ETS1: variants seen among roughly 807,000 people sequenced by gnomAD.
ETS1 encodes the protein protein C-ets-1.
In ETS1, 15 loss-of-function variants were observed where a neutral mutation model predicts 58.6. The observed-to-expected ratio is 0.26, with a 90% CI of 0.17 to 0.39. The LOEUF (loss-of-function observed/expected upper bound fraction) is 0.39, where lower values mean the gene tolerates loss of function less well. Among genes scored for constraint, ETS1 ranks in the 10% least tolerant of loss-of-function variants. The pLI is 1.00. For synonymous variants in ETS1, 214 were observed against 218.2 expected (o/e 0.98, Z 0.17); for missense variants, 417 against 610.5 (o/e 0.68, Z 3.34).
chr11:128,586,778 A>C (rs1865039121), intron 1 of ETS1, among the ~76,000 whole-genome samples: 1 of 152,188 alleles, frequency 6.6e-6, no homozygotes, highest in Non-Finnish European at 1.5e-5. Flanking sequence ...GTCACATACA[A>C]AGTGTCACGG....
chr11:128,468,357 G>C (rs745822962), intron 8 of ETS1, among the ~76,000 whole-genome samples: 70 of 152,230 alleles, frequency 4.6e-4, no homozygotes, highest in Non-Finnish European at 8.4e-4. Context: ...GCTGAGAACT[G>C]AGCAGCATAA....
At chr11:128,578,026 C>G (rs1207742771) in intron 1 of ETS1, among the ~76,000 whole-genome samples, 1 of 152,080 alleles carries the variant, frequency 6.6e-6, no homozygotes, top group Non-Finnish European at 1.5e-5. Flanking sequence ...AAAGTCAACA[C>G]TTTGGCTTAT....
intron 8 of ETS1, among the ~76,000 whole-genome samples, chr11:128,476,983 T>A (rs1862340786): frequency 6.6e-6 from 1 of 152,266 alleles, no homozygotes; most frequent in Non-Finnish European, 1.5e-5. Flanking sequence ...AATTTTCTTA[T>A]CTTTGGAGGA....
intron 3 of ETS1, among the ~76,000 whole-genome samples, chr11:128,552,960 G>T (rs1413232237): frequency 6.6e-6 from 1 of 152,210 alleles, no homozygotes; most frequent in Non-Finnish European, 1.5e-5. Flanking sequence ...TATGGTGGTT[G>T]GAGAGAAAGG....
chr11:128,585,077 AG>A (rs1289107137), intron 1 of ETS1, among the ~76,000 whole-genome samples: 414 of 11,264 alleles, frequency 0.037, 82 homozygotes, highest in Non-Finnish European at 0.046. Flanking sequence ...AGAAAGAAAG[AG>A]AAAGAAAGAA....
chr11:128,534,346 T>C (rs1277108068), intron 3 of ETS1, among the ~76,000 whole-genome samples: 1 of 152,194 alleles, frequency 6.6e-6, no homozygotes, highest in Non-Finnish European at 1.5e-5. Context: ...AAATCCCATA[T>C]ACAATTTAAG....
In ETS1 at chr11:128,549,426, G is replaced by C. The variant is rs1474644853; in HGVS notation, c.214+6865C>G. On this transcript the variant is annotated intron_variant, in intron 3 of 9. Coordinates refer to ENST00000392668, the MANE Select transcript of ETS1 (RefSeq NM_001143820.2). The surrounding 1 kb of genome is among the most constrained non-coding windows in gnomAD (Gnocchi z 4.3). ...CCCACCCCCGTGCGAGGAGTTCCAGGAGAGGGGTCAAACTGCTTGAATCGC... is the reference window on the plus strand; with the variant it reads ...CCCACCCCCGTGCGAGGAGTTCCAGCAGAGGGGTCAAACTGCTTGAATCGC... Among the ~76,000 whole-genome samples the C allele has an allele frequency of 2.6e-5, 4 of 152,356 alleles. No individual in the cohort carries two copies. Among genetic ancestry groups the C allele is most frequent in the Middle Eastern group, 3.4e-3 (1 of 294 alleles).
chr11:128,481,353 A>G (rs2135443389), intron 7 of ETS1, among the ~76,000 whole-genome samples: 1 of 152,272 alleles, frequency 6.6e-6, no homozygotes, highest in East Asian at 1.9e-4. Flanking sequence ...GGTTATAAAC[A>G]GCTGCTATGA....
rs369226551 is a variant in ETS1, at chr11:128,547,641, G to GT, written c.214+8649dup. On this transcript the variant is annotated intron_variant, in intron 3 of 9. Coordinates refer to ENST00000392668, the MANE Select transcript of ETS1 (RefSeq NM_001143820.2). Reference sequence around the variant, plus strand: ...GAAAATTGGTGGCTTTGTTTTTTTGGTTTTTTTTTTTAATCCCACCTAACA... The same window carrying GT: ...GAAAATTGGTGGCTTTGTTTTTTTGGTTTTTTTTTTTTAATCCCACCTAACA... Among the ~76,000 whole-genome samples the GT allele has an allele frequency of 5.9e-3, 861 of 146,652 alleles. 4 individuals carry two copies. The highest frequency in any genetic ancestry group is 0.011 in the Admixed American group (157 of 14,780).
At chr11:128,493,628 C>T (rs893736396) in intron 3 of ETS1, among the ~76,000 whole-genome samples, 1 of 152,042 alleles carries the variant, frequency 6.6e-6, no homozygotes, top group African/African-American at 2.4e-5. Context: ...AGAGAAGGCA[C>T]AGCATTGTCT....
chr11:128,570,053 G>A (rs964648965), intron 2 of ETS1, among the ~76,000 whole-genome samples: 3 of 152,134 alleles, frequency 2.0e-5, no homozygotes, highest in Non-Finnish European at 2.9e-5. Flanking sequence ...GTCTTTAGTT[G>A]AAATTATGCA....
chr11:128,573,821 C>T (rs1035262880), intron 1 of ETS1, among the ~76,000 whole-genome samples: 3 of 152,202 alleles, frequency 2.0e-5, no homozygotes, highest in African/African-American at 7.2e-5. Flanking sequence ...ACATATCGAA[C>T]ATCTCTGTTG....
At chr11:128,576,262 C>A (rs1022479075) in intron 1 of ETS1, among the ~76,000 whole-genome samples, 1 of 152,162 alleles carries the variant, frequency 6.6e-6, no homozygotes, top group African/African-American at 2.4e-5. Flanking sequence ...CCTTTTTCCA[C>A]TTGTAGATTG....
At chr11:128,495,136 G>A (rs1862904945) in intron 3 of ETS1, among the ~76,000 whole-genome samples, 1 of 152,166 alleles carries the variant, frequency 6.6e-6, no homozygotes, top group African/African-American at 2.4e-5. Flanking sequence ...TCACAGATGA[G>A]GAAATCAAGG....
intron 6 of ETS1, 52 bp downstream of exon 6, chr11:128,486,017 C>T: frequency 1.8e-6 from 2 of 1,123,458 alleles, no homozygotes; most frequent in East Asian, 4.7e-5. Context: ...AGATAGGGGT[C>T]TTTTCCTAGT....
chr11:128,511,730 A>G (rs1222155099), intron 3 of ETS1, among the ~76,000 whole-genome samples: 3 of 152,224 alleles, frequency 2.0e-5, no homozygotes, highest in Non-Finnish European at 2.9e-5. Context: ...ATTATATTTA[A>G]GTGAATGTAC....
At chr11:128,566,801 G>C (rs1370262175) in intron 2 of ETS1, among the ~76,000 whole-genome samples, 1 of 151,018 alleles carries the variant, frequency 6.6e-6, no homozygotes, top group African/African-American at 2.4e-5. Context: ...AAAAAAAAGA[G>C]TACCAGAGTA....
rs139748452 is a variant in ETS1 at position 128,542,092 on chromosome 11, T to A, written c.214+14199A>T. On this transcript the variant is annotated intron_variant, in intron 3 of 9. Coordinates refer to ENST00000392668, the MANE Select transcript of ETS1 (RefSeq NM_001143820.2). Reference sequence around the variant, plus strand: ...ACTGTCTCTTTTTTACACAGTATAGTTCTGGTGGAACTGCTGATCACAGTA... The same window carrying A: ...ACTGTCTCTTTTTTACACAGTATAGATCTGGTGGAACTGCTGATCACAGTA... Among the ~76,000 whole-genome samples, 49 of 152,330 alleles carry A rather than the reference T, an allele frequency of 3.2e-4. No individual in the cohort carries two copies. The East Asian group carries it at 9.3e-3, about 29-fold the overall frequency.
rs550952686 is a variant in ETS1, at chr11:128,547,715, G to A, written c.214+8576C>T. Among the ~76,000 whole-genome samples, 5 of 152,108 alleles carry A rather than the reference G, an allele frequency of 3.3e-5. No homozygotes were observed. In the East Asian group the frequency reaches 7.7e-4, roughly 23 times the overall value. ...TAAATAGCAAGAAAGTTTGAAAGAG[G>A]CAAACAATTCTTCAAAGGTCATGAG... On this transcript the variant is annotated intron_variant, in intron 3 of 9. Transcript: ENST00000392668.
Sources: allele counts gnomAD v4.1 joint callset (sites outside exome capture counted in the v4.1 genomes callset), GRCh38; gene constraint gnomAD v4.1.1; non-coding constraint Gnocchi (gnomAD v3.1); transcripts MANE v1.5; gene names NCBI Gene and HGNC (gene_info 2026-07-23, HGNC 2026-07-21).